Variants in PLD1 observed in about 807,000 individuals in gnomAD.
The protein encoded by PLD1 is choline phosphatase 1.
PLD1 carries 112 observed loss-of-function variants against 137.1 expected under a neutral mutation model. The ratio of observed to expected loss-of-function variants is 0.82; its 90% CI spans 0.70 to 0.96. PLD1 has a LOEUF of 0.96. PLD1 is among the 40% of genes least tolerant of loss of function. The probability of loss-of-function intolerance (pLI) is 0.00; values close to 1 mark genes in which losing one functional copy is unlikely to be tolerated. For missense variants in PLD1, 1,321 were observed against 1,342.0 expected (o/e 0.98, Z 0.24); for synonymous variants, 431 against 454.7 (o/e 0.95, Z 0.66).
intron 5 of PLD1, among the ~76,000 whole-genome samples, chr3:171,733,926 G>A (rs892096511): frequency 3.9e-5 from 6 of 152,080 alleles, no homozygotes; most frequent in Non-Finnish European, 8.8e-5. Context: ...GGAAACAAAG[G>A]TGGAGAAAGG....
At chr3:171,797,686 A>C (rs899641894) in intron 1 of PLD1, among the ~76,000 whole-genome samples, 1 of 152,238 alleles carries the variant, frequency 6.6e-6, no homozygotes, top group African/African-American at 2.4e-5. Context: ...ACATATTTTT[A>C]AGTAAGCAGC....
chr3:171,699,637 A>G (rs999143123), intron 12 of PLD1, 108 bp downstream of exon 12: 1 of 769,170 alleles, frequency 1.3e-6, no homozygotes, highest in South Asian at 1.8e-5. Flanking sequence ...CTTTTTGTCA[A>G]ACTCTAAAGT....
At chr3:171,703,159 T>C (rs181626297) in intron 11 of PLD1, among the ~76,000 whole-genome samples, 17 of 152,200 alleles carry the variant, frequency 1.1e-4, no homozygotes, top group African/African-American at 4.1e-4. Flanking sequence ...TAACAATAAA[T>C]ACTCCCAACA....
intron 1 of PLD1, among the ~76,000 whole-genome samples, chr3:171,775,357 A>G (rs773563138): frequency 6.6e-6 from 1 of 152,176 alleles, no homozygotes; most frequent in Non-Finnish European, 1.5e-5. Context: ...CATGTATTAC[A>G]ATATGACATA....
At chr3:171,715,287 A>C (rs546354111) in intron 8 of PLD1, among the ~76,000 whole-genome samples, 1 of 152,262 alleles carries the variant, frequency 6.6e-6, no homozygotes, top group South Asian at 2.1e-4. Flanking sequence ...TTAATATCTG[A>C]GTTCTCTATT....
At chr3:171,664,812 T>C (rs1015311909) in intron 19 of PLD1, among the ~76,000 whole-genome samples, 5 of 152,182 alleles carry the variant, frequency 3.3e-5, no homozygotes, top group Non-Finnish European at 7.4e-5. Context: ...AATTTACATA[T>C]AATTTAAATA....
intron 12 of PLD1, among the ~76,000 whole-genome samples, chr3:171,697,177 T>A (rs1715781711): frequency 6.6e-6 from 1 of 152,028 alleles, no homozygotes; most frequent in African/African-American, 2.4e-5. Context: ...GATCTAAACT[T>A]TAGCTTTCTG....
chr3:171,685,579 G>C (rs74941897), intron 16 of PLD1, among the ~76,000 whole-genome samples: 26,908 of 152,062 alleles, frequency 0.18, 2,511 homozygotes, highest in South Asian at 0.24. Flanking sequence ...AACTACTCAG[G>C]GCAGTGATGG....
intron 1 of PLD1, among the ~76,000 whole-genome samples, chr3:171,746,311 G>C (rs1391573314): frequency 6.6e-6 from 1 of 152,246 alleles, no homozygotes; most frequent in Non-Finnish European, 1.5e-5. Flanking sequence ...CCTGGGCACG[G>C]GATCCACTAG....
intron 1 of PLD1, among the ~76,000 whole-genome samples, chr3:171,764,884 AAAGAAAGAAAGG>A (rs1312182715): frequency 6.3e-3 from 125 of 19,918 alleles, no homozygotes; most frequent in African/African-American, 0.013. Context: ...AGAAAGAAAG[AAAGAAAGAAAGG>A]AAGGAAGGAA....
intron 1 of PLD1, among the ~76,000 whole-genome samples, chr3:171,756,034 ATCAAT>A (rs1255393943): frequency 3.3e-5 from 5 of 152,160 alleles, no homozygotes; most frequent in African/African-American, 1.2e-4. Context: ...TCTATATCCA[ATCAAT>A]TAATAAATCC....
chr3:171,618,037 T>A (rs1347202795), intron 24 of PLD1, among the ~76,000 whole-genome samples: 2 of 151,552 alleles, frequency 1.3e-5, no homozygotes, highest in Non-Finnish European at 2.9e-5. Flanking sequence ...ATTCTTGAGT[T>A]TCCACCGAGA....
At chr3:171,748,119 C>G (rs1482229779) in intron 1 of PLD1, among the ~76,000 whole-genome samples, 1 of 152,156 alleles carries the variant, frequency 6.6e-6, no homozygotes, top group Non-Finnish European at 1.5e-5. Context: ...GATGAGGATT[C>G]CGAGTCAACG....
At chr3:171,702,695 T>A (rs2108548194) in intron 11 of PLD1, among the ~76,000 whole-genome samples, 1 of 152,248 alleles carries the variant, frequency 6.6e-6, no homozygotes, top group South Asian at 2.1e-4. Flanking sequence ...AAAAACTGAA[T>A]TTGTAATTAA....
At chr3:171,682,601 T>C (rs192928413) in intron 16 of PLD1, among the ~76,000 whole-genome samples, 2 of 152,374 alleles carry the variant, frequency 1.3e-5, no homozygotes, top group African/African-American at 2.4e-5. Context: ...CCTGAGTTTT[T>C]AAGGTATTAC....
At chr3:171,725,806 C>T (rs554669787) in intron 7 of PLD1, among the ~76,000 whole-genome samples, 5 of 152,308 alleles carry the variant, frequency 3.3e-5, no homozygotes, top group African/African-American at 1.2e-4. Flanking sequence ...GCTGTAAGCA[C>T]GTGACAAAGA....
intron 6 of PLD1, among the ~76,000 whole-genome samples, chr3:171,732,718 A>C (rs1338606202): frequency 5.3e-5 from 8 of 152,218 alleles, no homozygotes. Context: ...ACAAATGCAT[A>C]CATACATACG....
Position 171,737,607 on chromosome 3 carries a change from A to G in PLD1, c.213T>C (p.Asn71=), listed in dbSNP as rs1274655581. 6 of 1,606,096 alleles carry G rather than the reference A, an allele frequency of 3.7e-6. No individual in the cohort carries two copies. The highest frequency in any genetic ancestry group is 1.7e-4 in the Middle Eastern group (1 of 6,046). ...GACAGCCGGAGAGATACGTCTGTAT[A>G]TTAGGCTCCTTAAATCCTTGAGTGT... ...IYNTQGFKEP[N]IQTYLSGCPI... Residue 71 remains asparagine, a synonymous_variant, in exon 3 of 27, where the codon AAT becomes AAC. Coordinates refer to ENST00000351298, the MANE Select transcript of PLD1 (RefSeq NM_002662.5).
intron 11 of PLD1, among the ~76,000 whole-genome samples, chr3:171,702,378 C>A (rs1427589897): frequency 6.6e-6 from 1 of 151,776 alleles, no homozygotes; most frequent in East Asian, 1.9e-4. Context: ...GTTCCAGCTA[C>A]TCGGGGGGCT....
Sources: gnomAD v4.1 joint callset for allele counts (sites outside exome capture counted in the v4.1 genomes callset) on GRCh38, gnomAD v4.1.1 for gene constraint, MANE v1.5 for transcripts, NCBI Gene and HGNC (gene_info 2026-07-23, HGNC 2026-07-21) for gene names.